Variants in HSD17B12 observed in about 807,000 individuals in gnomAD.
HSD17B12 encodes hydroxysteroid 17-beta dehydrogenase 12.
Under a neutral mutation model 39.3 loss-of-function variants are expected in HSD17B12, and 32 were observed. The ratio of observed to expected loss-of-function variants is 0.81; its 90% CI spans 0.61 to 1.09. The LOEUF (loss-of-function observed/expected upper bound fraction) is 1.09. Ranked by LOEUF, HSD17B12 falls within the 50% of genes least tolerant of loss-of-function variation. HSD17B12 has a pLI of 0.00. For synonymous variants in HSD17B12, 150 were observed against 146.7 expected (o/e 1.02, Z -0.16); for missense variants, 342 against 382.9 (o/e 0.89, Z 0.89).
the HSD17B12 span, among the ~76,000 whole-genome samples, chr11:43,573,554 C>A: frequency 6.6e-6 from 1 of 152,180 alleles, no homozygotes; most frequent in Non-Finnish European, 1.5e-5. Flanking sequence ...GCATTTCTTC[C>A]ATTTCCAACG....
chr11:43,636,762 TG>T, the HSD17B12 span, among the ~76,000 whole-genome samples: 3 of 152,082 alleles, frequency 2.0e-5, no homozygotes, highest in Non-Finnish European at 4.4e-5. Context: ...ATATTCTTTT[TG>T]TTTGTTTGTT....
chr11:43,836,642 C>T (rs1203531995), intron 7 of HSD17B12, among the ~76,000 whole-genome samples: 4 of 151,712 alleles, frequency 2.6e-5, no homozygotes, highest in Non-Finnish European at 4.4e-5. Context: ...ATCAATACCC[C>T]AAAAAAGATA....
intron 1 of HSD17B12, among the ~76,000 whole-genome samples, chr11:43,742,139 A>ATT (rs34321708): frequency 0.27 from 32,602 of 122,872 alleles, 5,510 homozygotes; most frequent in East Asian, 0.57. Context: ...ATATATATAT[A>ATT]TTTTTTTTTT....
At chr11:43,614,868 C>A in the HSD17B12 span, among the ~76,000 whole-genome samples, 1 of 152,020 alleles carries the variant, frequency 6.6e-6, no homozygotes, top group African/African-American at 2.4e-5. Context: ...CCTATTATGT[C>A]TAGTTTTTTC....
chr11:43,733,723 T>G, intron 1 of HSD17B12: 1 of 575,730 alleles, frequency 1.7e-6, no homozygotes, highest in Non-Finnish European at 3.3e-6. Flanking sequence ...GAGGTCAGAG[T>G]GGAAGAAGGT....
At chr11:43,678,894 C>T (rs1188498981), upstream of HSD17B12, among the ~76,000 whole-genome samples, 8 of 152,116 alleles carry the variant, frequency 5.3e-5, no homozygotes, top group East Asian at 1.5e-3. Flanking sequence ...GTTCTTTTGG[C>T]TTAGGATTGA....
At chr11:43,812,840 G>A (rs199525050) in intron 4 of HSD17B12, among the ~76,000 whole-genome samples, 1 of 151,954 alleles carries the variant, frequency 6.6e-6, no homozygotes, top group African/African-American at 2.4e-5. Flanking sequence ...ACTCTCTATT[G>A]TTTGTTTTTG....
At chr11:43,773,545 C>T (rs1206345317) in intron 3 of HSD17B12, among the ~76,000 whole-genome samples, 1 of 152,106 alleles carries the variant, frequency 6.6e-6, no homozygotes, top group Non-Finnish European at 1.5e-5. Flanking sequence ...GGCCTAAAAT[C>T]GACTTTGTTT....
the HSD17B12 span, chr11:43,670,356 G>A: frequency 6.6e-6 from 1 of 152,068 alleles, no homozygotes; most frequent in Non-Finnish European, 1.5e-5. Flanking sequence ...TCAAAAATAA[G>A]CAAAATGAAA....
the HSD17B12 span, among the ~76,000 whole-genome samples, chr11:43,590,904 T>C: frequency 6.6e-6 from 1 of 151,746 alleles, no homozygotes; most frequent in African/African-American, 2.4e-5. Context: ...AGGTGGGTGT[T>C]CTATGAACCT....
intron 3 of HSD17B12, among the ~76,000 whole-genome samples, chr11:43,773,487 C>T (rs1442018979): frequency 6.6e-6 from 1 of 152,198 alleles, no homozygotes; most frequent in Non-Finnish European, 1.5e-5. Context: ...GATCCTCCCA[C>T]CTTGGCCTCA....
chr11:43,575,405 T>C, the HSD17B12 span, among the ~76,000 whole-genome samples: 1 of 152,204 alleles, frequency 6.6e-6, no homozygotes, highest in African/African-American at 2.4e-5. The surrounding 1 kb of genome is among the most constrained non-coding windows in gnomAD (Gnocchi z 4.1). Context: ...GTTACAGCCA[T>C]AGCTGTCTAT....
the HSD17B12 span, among the ~76,000 whole-genome samples, chr11:43,646,671 A>C: frequency 3.9e-5 from 6 of 152,156 alleles, no homozygotes; most frequent in Admixed American, 2.6e-4. Context: ...TTTAGAGGTA[A>C]ACTCATCTCT....
the HSD17B12 span, among the ~76,000 whole-genome samples, chr11:43,651,831 G>A: frequency 6.6e-6 from 1 of 152,174 alleles, no homozygotes; most frequent in Non-Finnish European, 1.5e-5. Flanking sequence ...TGCCTGGTTA[G>A]CCTCCCGAAG....
intron 6 of HSD17B12, among the ~76,000 whole-genome samples, chr11:43,826,730 T>C (rs1001762301): frequency 6.6e-6 from 1 of 152,244 alleles, no homozygotes; most frequent in Non-Finnish European, 1.5e-5. Context: ...ATAAATATTC[T>C]ATTAGCTATA....
intron 3 of HSD17B12, chr11:43,754,866 T>C (rs1264704948): frequency 2.6e-6 from 2 of 760,214 alleles, no homozygotes; most frequent in Non-Finnish European, 4.8e-6. Flanking sequence ...TTGAACTTTC[T>C]TCTTAGGCAA....
At chr11:43,630,959 C>T in the HSD17B12 span, among the ~76,000 whole-genome samples, 1 of 152,050 alleles carries the variant, frequency 6.6e-6, no homozygotes, top group South Asian at 2.1e-4. Flanking sequence ...TGTCCGCCAC[C>T]ACGCCTGGCC....
the HSD17B12 span, among the ~76,000 whole-genome samples, chr11:43,560,258 C>G: frequency 6.6e-6 from 1 of 152,144 alleles, no homozygotes; most frequent in African/African-American, 2.4e-5. Flanking sequence ...AAAATGAACT[C>G]CAGTGTTTTT....
At chr11:43,665,654 C>T in the HSD17B12 span, among the ~76,000 whole-genome samples, 7 of 152,134 alleles carry the variant, frequency 4.6e-5, no homozygotes, top group South Asian at 2.1e-4. Flanking sequence ...CCCCATTTTA[C>T]AGGTAAGCTA....
Sources: gnomAD v4.1 joint callset for allele counts (sites outside exome capture counted in the v4.1 genomes callset) on GRCh38, gnomAD v4.1.1 for gene constraint, Gnocchi (gnomAD v3.1) non-coding constraint, MANE v1.5 for transcripts, NCBI Gene and HGNC (gene_info 2026-07-23, HGNC 2026-07-21) for gene names.